The following SNX17 variants were observed in gnomAD, a reference collection of about 807,000 sequenced individuals.
SNX17 encodes the protein sorting nexin-17.
Under a neutral mutation model 64.3 loss-of-function variants are expected in SNX17, and 35 were observed. That is an observed-to-expected ratio of 0.54 (90% CI 0.42 to 0.72). The LOEUF (loss-of-function observed/expected upper bound fraction) is 0.72, where lower values mean the gene tolerates loss of function less well. Among genes scored for constraint, SNX17 ranks in the 30% least tolerant of loss-of-function variants. The probability of loss-of-function intolerance (pLI) is 0.00; values close to 1 mark genes in which losing one functional copy is unlikely to be tolerated. For synonymous variants in SNX17, 259 were observed against 230.2 expected (o/e 1.13, Z -1.13); for missense variants, 538 against 610.0 (o/e 0.88, Z 1.24).
Position 27,374,374 on chromosome 2 carries a change from G to T in SNX17, c.552G>T (p.Leu184=), listed in dbSNP as rs757001733. ...TACGGAAGTTGCAAGAGTTTGAGCT[G>T]CCTTATGTGTCTGTCACCAGCCTTC... is the stretch of plus-strand genomic sequence containing the variant. ...SFVRKLQEFE[L]PYVSVTSLRS... is the part of the protein sequence containing the mutation. Residue 184 remains leucine (L), a synonymous_variant, in exon 7 of 15, where the codon CTG becomes CTT. Transcript: ENST00000233575. 3 of 1,613,188 alleles carry T rather than the reference G, an allele frequency of 1.9e-6. No individual in the cohort carries two copies. Among genetic ancestry groups the T allele is most frequent in the Non-Finnish European group, 2.5e-6 (3 of 1,179,880 alleles).
At chr2:27,371,148 A>ACTAT (rs1266196618) in intron 1 of SNX17, 121 bp from the exon 2 acceptor site, 19 of 902,718 alleles carry the variant, frequency 2.1e-5, no homozygotes, top group Non-Finnish European at 3.2e-5. Context: ...AAACAAGCGA[A>ACTAT]CTATCCCTCG....
rs1682915253 is a variant in SNX17 at position 27,374,088 on chromosome 2, G to A, written c.436G>A (p.Val146Ile). Residue 146 changes from valine (V) to isoleucine (I), a missense_variant, in exon 6 of 15, where the codon GTA becomes ATA. Around this residue, in one of 3 missense-constraint regions of SNX17, gnomAD observed 505 missense variants for 550.4 expected, o/e 0.92. Transcript: ENST00000233575. The stretch of plus-strand genomic sequence containing the variant: ...GTACTTCTATCCCTATCCCCAGGCT[G>A]TAGCTGCAAAGCTGGATCTTCCAGA... ...SDQTEDVLEAVAAKLDLPDDL... is the reference protein window; with the variant it reads ...SDQTEDVLEAIAAKLDLPDDL... 2 of 1,614,012 alleles carry A rather than the reference G, an allele frequency of 1.2e-6. No individual in the cohort carries two copies. The highest frequency in any genetic ancestry group is 1.1e-5 in the South Asian group (1 of 91,086).
chr2:27,370,749 C>T lies in SNX17; in HGVS notation c.6C>T (p.His2=). Residue 2 remains histidine, a synonymous_variant, in exon 1 of 15, where the codon CAC becomes CAT. Coordinates refer to ENST00000233575, the MANE Select transcript of SNX17 (RefSeq NM_014748.4). ...CGTGCCGTGCCGTAGGGAACATGCACTTTTCCATTCCCGAAACCGAGTCCC... is the reference window on the plus strand; with the variant it reads ...CGTGCCGTGCCGTAGGGAACATGCATTTTTCCATTCCCGAAACCGAGTCCC... M[H]FSIPETESRS... The T allele has an allele frequency of 6.5e-7, 1 of 1,549,472 alleles. No individual in the cohort carries two copies. Among genetic ancestry groups the T allele is most frequent in the South Asian group, 1.2e-5 (1 of 83,978 alleles).
intron 8 of SNX17, 131 bp from the exon 9 acceptor site, chr2:27,374,930 A>G: frequency 1.0e-6 from 1 of 957,614 alleles, no homozygotes; most frequent in Non-Finnish European, 1.6e-6. Context: ...AGCTGACAAG[A>G]TCAAGGACTT....
rs1683305453 is a variant in SNX17 at position 27,376,889 on chromosome 2, T to A, written c.*170T>A. The A allele has an allele frequency of 4.9e-6, 3 of 617,628 alleles. No individual in the cohort carries two copies. The Admixed American group carries it at 8.6e-5, about 18-fold the overall frequency. The allele number at this position is 617,628 out of a possible 1,614,324, so 38.3% of individuals were successfully genotyped here. A position where few individuals can be genotyped will look rare whatever the true frequency, so the allele number is the denominator to read the frequency against. ...TCCTACCTTTCCTTGTCCCCTGGGC[T>A]GGCTGCACAGAGGATTGCCCCTTCT... is the stretch of plus-strand genomic sequence containing the variant. On this transcript the variant is annotated 3_prime_UTR_variant, in exon 15 of 15. Transcript: ENST00000233575.
intron 2 of SNX17, among the ~76,000 whole-genome samples, chr2:27,372,141 C>T (rs1052903792): frequency 3.9e-5 from 6 of 152,170 alleles, no homozygotes; most frequent in African/African-American, 1.4e-4. Context: ...ACCTTGCCTC[C>T]CAAAATGCTG....
chr2:27,376,795 C>A lies in SNX17; in HGVS notation c.*76C>A. 17 of 1,274,564 alleles carry A rather than the reference C, an allele frequency of 1.3e-5. No individual in the cohort carries two copies. In the South Asian group the frequency reaches 1.9e-4, roughly 14 times the overall value. 79.0% of individuals were successfully genotyped at this position (1,274,564 alleles called of 1,614,324 possible). Reference sequence around the variant, plus strand: ...TTGCCCTGTGCCTGTGTCCCCCATGCTAGGGGCGGAGGGGTCTTTTCCTTC... The same window carrying A: ...TTGCCCTGTGCCTGTGTCCCCCATGATAGGGGCGGAGGGGTCTTTTCCTTC... On this transcript the variant is annotated 3_prime_UTR_variant, in exon 15 of 15. Transcript: ENST00000233575.
chr2:27,375,041 G>A lies in SNX17; in HGVS notation c.682-20G>A, dbSNP rs1247457309. On this transcript the variant is annotated intron_variant, in intron 8 of 14. Coordinates refer to ENST00000233575, the MANE Select transcript of SNX17 (RefSeq NM_014748.4). The surrounding 1 kb of genome is among the most constrained non-coding windows in gnomAD (Gnocchi z 4.1). ...TGCTGACTGGGACCTCCTACTGCCT[G>A]CCCCTTGTCTCTACTATAGACGGTA... 3 of 1,609,196 alleles carry A rather than the reference G, an allele frequency of 1.9e-6. No individual in the cohort carries two copies. Among genetic ancestry groups the A allele is most frequent in the South Asian group, 1.1e-5 (1 of 90,970 alleles).
Position 27,376,740 on chromosome 2 carries a change from G to T in SNX17, c.*21G>T, listed in dbSNP as rs755177580. The T allele has an allele frequency of 5.0e-6, 8 of 1,594,762 alleles. No homozygotes were observed. In the South Asian group the frequency reaches 8.8e-5, roughly 18 times the overall value. ...TGTAATCTCCACTGCTTGGATGTCT[G>T]CCCTCTACCCCAGAGGAATTTACAG... On this transcript the variant is annotated 3_prime_UTR_variant, in exon 15 of 15. Transcript: ENST00000233575.
Position 27,375,628 on chromosome 2 carries a change from G to A in SNX17, c.897G>A (p.Leu299=). ...GCGCGGGCAACAGTGAGCTCAGCCT[G>A]CAGCTCCGCCTGCCTGGCCAGCAAC... The part of the protein sequence containing the change: ...VVSAGNSELS[L]QLRLPGQQLR... Residue 299 remains leucine (L), a synonymous_variant, in exon 10 of 15, where the codon CTG becomes CTA. Coordinates refer to ENST00000233575, the MANE Select transcript of SNX17 (RefSeq NM_014748.4). This position sits in a 1 kb window ranked among gnomAD's most constrained non-coding sequence, Gnocchi z 4.1. 1 of 1,614,162 alleles carries A rather than the reference G, an allele frequency of 6.2e-7. No homozygotes were observed. Among genetic ancestry groups the A allele is most frequent in the Non-Finnish European group, 8.5e-7 (1 of 1,180,032 alleles).
Position 27,374,156 on chromosome 2 carries a change from AGAG to A in SNX17, c.507_509del (p.Glu169del), listed in dbSNP as rs1274877622. The stretch of plus-strand genomic sequence containing the variant: ...TTAGTCTATTCTTAGTTCGAGAAAA[AGAG>A]GATGGAGCCTTTTCTTGTGAGTTTC... On this transcript the variant is annotated inframe_deletion, in exon 6 of 15. Transcript: ENST00000233575. 1 of 1,613,872 alleles carries A rather than the reference AGAG, an allele frequency of 6.2e-7. No homozygotes were observed. The highest frequency in any genetic ancestry group is 8.5e-7 in the Non-Finnish European group (1 of 1,179,994).
In SNX17 at chr2:27,377,446, A is replaced by G; in HGVS notation, c.*727A>G. 1 of 1,366,644 alleles carries G rather than the reference A, an allele frequency of 7.3e-7. No individual in the cohort carries two copies. Among genetic ancestry groups the G allele is most frequent in the Non-Finnish European group, 1.0e-6 (1 of 973,538 alleles). 84.7% of individuals were successfully genotyped at this position (1,366,644 alleles called of 1,614,324 possible). On this transcript the variant is annotated 3_prime_UTR_variant, in exon 15 of 15. Transcript: ENST00000233575. The surrounding 1 kb of genome is among the most constrained non-coding windows in gnomAD (Gnocchi z 4.4). ...CGCCCATGGGGTTGGGCTGGTCCTT[A>G]TAGTGCCTACGTTAGTCTGTGTGGA...
At chr2:27,373,755 A>T in intron 4 of SNX17, 106 bp from the exon 5 acceptor site, 1 of 744,898 alleles carries the variant, frequency 1.3e-6, no homozygotes, top group Non-Finnish European at 2.3e-6. Context: ...GCCTATATTT[A>T]AGCAGCTGAG....
chr2:27,375,062 C>T lies in SNX17; in HGVS notation c.683C>T (p.Thr228Met), dbSNP rs1350040005. The T allele has an allele frequency of 7.4e-6, 12 of 1,613,736 alleles. No individual in the cohort carries two copies. The highest frequency in any genetic ancestry group is 2.2e-5 in the East Asian group (1 of 44,874). The part of the protein sequence containing the change: ...RVGLNLLYAQ[T>M]VSDIERGWIL... ...GCCTGCCCCTTGTCTCTACTATAGA[C>T]GGTATCAGATATTGAGCGTGGGTGG... is the stretch of plus-strand genomic sequence containing the variant. Residue 228 changes from threonine (T) to methionine (M), a missense_variant and splice_region_variant, in exon 9 of 15, where the codon ACG becomes ATG. By Grantham distance (81) the Thr-to-Met change is moderately conservative. Transcript: ENST00000233575. The surrounding 1 kb of genome is among the most constrained non-coding windows in gnomAD (Gnocchi z 4.1).
Position 27,376,183 on chromosome 2 carries a change from G to A in SNX17, c.1182G>A (p.Lys394=). The change falls in exon 12 of 15, where the codon AAG becomes AAA. Residue 394 remains lysine (K), a splice_region_variant and synonymous_variant. Transcript: ENST00000233575. ...AGAAATCTGGCGGCAGTATCAGGAA[G>A]GTAGGCAGCAAGTGTGGACTGAGCA... ...MVKKSGGSIR[K]MLRRRVGGTL... The A allele has an allele frequency of 6.2e-7, 1 of 1,614,146 alleles. No individual in the cohort carries two copies. Among genetic ancestry groups the A allele is most frequent in the Non-Finnish European group, 8.5e-7 (1 of 1,180,032 alleles).
chr2:27,376,395 T>C lies in SNX17; in HGVS notation c.1257+8T>C, dbSNP rs745568533. The C allele has an allele frequency of 6.2e-7, 1 of 1,614,024 alleles. No homozygotes were observed. The highest frequency in any genetic ancestry group is 8.5e-7 in the Non-Finnish European group (1 of 1,179,988). On this transcript the variant is annotated splice_region_variant and intron_variant, in intron 13 of 14. Transcript: ENST00000233575. Reference sequence around the variant, plus strand: ...AAGTCCCCACCACTGCTTGTAAGTATTACCTCCTGGTCAGAACCCTGGCTC... The same window carrying C: ...AAGTCCCCACCACTGCTTGTAAGTACTACCTCCTGGTCAGAACCCTGGCTC...
In SNX17 at chr2:27,374,396, C is replaced by T. The variant is rs778376356; in HGVS notation, c.574C>T (p.Leu192Phe). 2 of 1,613,852 alleles carry T rather than the reference C, an allele frequency of 1.2e-6. No individual in the cohort carries two copies. Among genetic ancestry groups the T allele is most frequent in the Admixed American group, 1.7e-5 (1 of 59,978 alleles). The change falls in exon 7 of 15, where the codon CTT becomes TTT. Residue 192 changes from leucine (L) to phenylalanine (F), a missense_variant. Coordinates refer to ENST00000233575, the MANE Select transcript of SNX17 (RefSeq NM_014748.4). Reference sequence around the variant, plus strand: ...GCTGCCTTATGTGTCTGTCACCAGCCTTCGGAGTCAAGAGTATAAGATTGT... The same window carrying T: ...GCTGCCTTATGTGTCTGTCACCAGCTTTCGGAGTCAAGAGTATAAGATTGT... ...FELPYVSVTS[L>F]RSQEYKIVLR...
intron 2 of SNX17, among the ~76,000 whole-genome samples, chr2:27,372,148 G>C (rs947320214): frequency 2.0e-5 from 3 of 152,194 alleles, no homozygotes; most frequent in African/African-American, 7.2e-5. Flanking sequence ...CTCCCAAAAT[G>C]CTGAGATTAC....
chr2:27,374,586 C>T, intron 7 of SNX17, 103 bp from the exon 8 acceptor site: 3 of 1,280,942 alleles, frequency 2.3e-6, no homozygotes, highest in African/African-American at 1.5e-5. Flanking sequence ...TACCATTAGC[C>T]CCTGATAGTT....
Sources: gnomAD v4.1 joint callset for allele counts (sites outside exome capture counted in the v4.1 genomes callset) on GRCh38, gnomAD v4.1.1 for gene constraint, gnomAD v4.1.1 regional missense constraint, Gnocchi (gnomAD v3.1) non-coding constraint, MANE v1.5 for transcripts, NCBI Gene and HGNC (gene_info 2026-07-23, HGNC 2026-07-21) for gene names.